The following RGL1 variants were observed in gnomAD, a reference collection of about 807,000 sequenced individuals.
RGL1 encodes ral guanine nucleotide dissociation stimulator like 1.
A neutral mutation model predicts 95.2 loss-of-function variants in RGL1; 24 were observed. That is an observed-to-expected ratio of 0.25 (90% CI 0.18 to 0.35). The LOEUF is 0.35. Among genes scored for constraint, RGL1 ranks in the 10% least tolerant of loss-of-function variants. RGL1 has a pLI of 1.00. For missense variants in RGL1, 715 were observed against 936.3 expected (o/e 0.76, Z 3.08); for synonymous variants, 329 against 344.9 (o/e 0.95, Z 0.51).
chr1:183,650,345 A>T (rs367793050), intron 1 of RGL1, among the ~76,000 whole-genome samples: 3 of 152,074 alleles, frequency 2.0e-5, no homozygotes, highest in Non-Finnish European at 4.4e-5. Context: ...AGATGGAGAC[A>T]ATCCTGGCTA....
At chr1:183,857,688 C>T (rs979413214) in intron 3 of RGL1, among the ~76,000 whole-genome samples, 3 of 152,318 alleles carry the variant, frequency 2.0e-5, no homozygotes, top group East Asian at 3.9e-4. Context: ...AAAATTTAAT[C>T]TGGTGCTGTT....
chr1:183,900,099 C>A, intron 10 of RGL1, 51 bp from the exon 11 acceptor site: 1 of 1,479,650 alleles, frequency 6.8e-7, no homozygotes, highest in South Asian at 1.1e-5. Context: ...TCCTAAAACC[C>A]CTCAACTTTT....
chr1:183,837,998 C>T (rs1038678463), intron 2 of RGL1, among the ~76,000 whole-genome samples: 10 of 152,118 alleles, frequency 6.6e-5, no homozygotes, highest in Admixed American at 6.5e-5. Flanking sequence ...CTGTGAGGCC[C>T]GGTTCCTAAC....
intron 2 of RGL1, among the ~76,000 whole-genome samples, chr1:183,785,783 C>T (rs953895731): frequency 3.9e-5 from 6 of 152,124 alleles, no homozygotes; most frequent in Non-Finnish European, 8.8e-5. Context: ...GGTTGGGTAT[C>T]CTTTATTCAA....
intron 7 of RGL1, among the ~76,000 whole-genome samples, chr1:183,886,647 T>TA (rs1667125637): frequency 6.6e-6 from 1 of 152,198 alleles, no homozygotes; most frequent in South Asian, 2.1e-4. Flanking sequence ...CAAGGGCTCT[T>TA]ACTTTTTTTT....
At chr1:183,831,687 TATA>T (rs1473224860) in intron 2 of RGL1, among the ~76,000 whole-genome samples, 1 of 152,210 alleles carries the variant, frequency 6.6e-6, no homozygotes, top group African/African-American at 2.4e-5. Flanking sequence ...ATTTAGGGAC[TATA>T]ATAATGTCAC....
chr1:183,636,398 T>G (rs1649535499), exon 1 of RGL1: 2 of 385,684 alleles, frequency 5.2e-6, no homozygotes, highest in Non-Finnish European at 9.1e-6. Flanking sequence ...GGAACTACCC[T>G]TCTTGGCCAG....
chr1:183,899,672 C>T (rs1205530698), intron 10 of RGL1, among the ~76,000 whole-genome samples: 2 of 152,216 alleles, frequency 1.3e-5, no homozygotes, highest in Non-Finnish European at 2.9e-5. Context: ...CTGTTTTTCT[C>T]TTTCCCTCCT....
chr1:183,643,291 T>TTTAC (rs1342497928), intron 1 of RGL1, among the ~76,000 whole-genome samples: 1 of 143,790 alleles, frequency 7.0e-6, no homozygotes, highest in Non-Finnish European at 1.5e-5. Flanking sequence ...TATTTATTTA[T>TTTAC]TTATTTATTT....
At chr1:183,648,531 G>A (rs529403451) in intron 1 of RGL1, 6 of 1,614,158 alleles carry the variant, frequency 3.7e-6, no homozygotes, top group South Asian at 1.1e-5. Context: ...GCAACTGCTA[G>A]CATGGCCCTT....
rs1418103960 is a variant in RGL1 at position 183,849,483 on chromosome 1, G to GTT, written c.347+1731_347+1732dup. Among the ~76,000 whole-genome samples the GTT allele has an allele frequency of 5.0e-3, 603 of 120,760 alleles. 21 individuals carry two copies. Among genetic ancestry groups the GTT allele is most frequent in the African/African-American group, 0.012 (357 of 30,974 alleles). The allele number at this position is 120,760 out of a possible 152,430, so 79.2% of individuals were successfully genotyped here. On this transcript the variant is annotated intron_variant, in intron 3 of 17. Coordinates refer to ENST00000360851, the MANE Select transcript of RGL1 (RefSeq NM_001297671.3). ...ACATTTAAGTTTTCTCCAGTTTTTA[G>GTT]TTTTTTTTTTTTTTTTTTTTTTTGT...
At chr1:183,905,430 A>G (rs1438404897) in intron 13 of RGL1, among the ~76,000 whole-genome samples, 1 of 152,194 alleles carries the variant, frequency 6.6e-6, no homozygotes, top group Non-Finnish European at 1.5e-5. Flanking sequence ...ATGGGTAACT[A>G]CATTCCTACA....
At chr1:183,853,976 T>A (rs1664983560) in intron 3 of RGL1, among the ~76,000 whole-genome samples, 1 of 152,236 alleles carries the variant, frequency 6.6e-6, no homozygotes, top group Non-Finnish European at 1.5e-5. Flanking sequence ...ATTTGTCTAC[T>A]CAAGCAATAT....
intron 2 of RGL1, among the ~76,000 whole-genome samples, chr1:183,756,699 G>A (rs1358858364): frequency 6.6e-6 from 1 of 152,106 alleles, no homozygotes; most frequent in Admixed American, 6.6e-5. Context: ...TTTCATGATA[G>A]TAATTCTTCC....
intron 1 of RGL1, among the ~76,000 whole-genome samples, chr1:183,708,278 C>G (rs1347733381): frequency 6.6e-6 from 1 of 152,036 alleles, no homozygotes; most frequent in Admixed American, 6.5e-5. Flanking sequence ...AAAAGGAGAC[C>G]ATCCTGGACG....
At chr1:183,914,957 A>G (rs745607788) in intron 15 of RGL1, among the ~76,000 whole-genome samples, 8 of 152,376 alleles carry the variant, frequency 5.3e-5, no homozygotes, top group South Asian at 4.1e-4. Flanking sequence ...TTAGTCCTCA[A>G]ATTGAGCCAC....
intron 9 of RGL1, among the ~76,000 whole-genome samples, chr1:183,895,049 T>A (rs1278703464): frequency 6.6e-6 from 1 of 152,140 alleles, no homozygotes; most frequent in African/African-American, 2.4e-5. Flanking sequence ...TTGGTAAGAA[T>A]TTTTTCGGTT....
chr1:183,806,695 AT>A (rs1482213111), intron 2 of RGL1, among the ~76,000 whole-genome samples: 1 of 152,158 alleles, frequency 6.6e-6, no homozygotes, highest in Admixed American at 6.5e-5. Flanking sequence ...TTTGTCAATA[AT>A]TCAGAACCTC....
chr1:183,750,204 C>G (rs898656739), intron 2 of RGL1, among the ~76,000 whole-genome samples: 1 of 152,152 alleles, frequency 6.6e-6, no homozygotes, highest in African/African-American at 2.4e-5. Flanking sequence ...ACCAATCAAA[C>G]GTAGGTTTGG....
Sources: allele counts gnomAD v4.1 joint callset (sites outside exome capture counted in the v4.1 genomes callset), GRCh38; gene constraint gnomAD v4.1.1; transcripts MANE v1.5; gene names NCBI Gene and HGNC (gene_info 2026-07-23, HGNC 2026-07-21).